Variants in GTF2B observed in about 807,000 individuals in gnomAD.
The protein encoded by GTF2B is transcription initiation factor IIB.
A neutral mutation model predicts 34.6 loss-of-function variants in GTF2B; 20 were observed. The ratio of observed to expected loss-of-function variants is 0.58; its 90% CI spans 0.41 to 0.84. The LOEUF (loss-of-function observed/expected upper bound fraction) is 0.84. Among genes scored for constraint, GTF2B ranks in the 40% least tolerant of loss-of-function variants. The pLI is 0.00. For synonymous variants in GTF2B, 142 were observed against 132.4 expected, an observed-to-expected ratio of 1.07 and a Z score of -0.50; for missense variants, 237 against 393.3, an observed-to-expected ratio of 0.60 and a Z score of 3.36.
chr1:88,891,265 G>A (rs1457752099), intron 1 of GTF2B, among the ~76,000 whole-genome samples: 8 of 152,104 alleles, frequency 5.3e-5, no homozygotes, highest in Admixed American at 5.2e-4. Context: ...ATCTACATAA[G>A]ACTCCAGGGC....
chr1:88,881,470 TATTG>T (rs1301585730), intron 2 of GTF2B, among the ~76,000 whole-genome samples: 2 of 152,236 alleles, frequency 1.3e-5, no homozygotes, highest in African/African-American at 4.8e-5. Context: ...TTATGTCATA[TATTG>T]ATTTATATTC....
chr1:88,870,560 T>G (rs1243911092), intron 2 of GTF2B, among the ~76,000 whole-genome samples: 13 of 148,758 alleles, frequency 8.7e-5, no homozygotes, highest in African/African-American at 2.6e-4. Flanking sequence ...AAATCTCATT[T>G]TCTAACTACT....
chr1:88,886,926 AT>A (rs939376789), intron 2 of GTF2B, among the ~76,000 whole-genome samples: 38 of 145,642 alleles, frequency 2.6e-4, no homozygotes, highest in Middle Eastern at 3.6e-3. Flanking sequence ...TATTATTATT[AT>A]TTTTTTTTTG....
intron 3 of GTF2B, among the ~76,000 whole-genome samples, chr1:88,863,711 C>A (rs989789615): frequency 6.6e-6 from 1 of 152,128 alleles, no homozygotes; most frequent in Non-Finnish European, 1.5e-5. Flanking sequence ...GAAGGCCACA[C>A]TACACTCATT....
rs75931821 is a variant in GTF2B at position 88,888,461 on chromosome 1, T to C, written c.18-1094A>G. ...TTCATATTTGTGTTTATTCCATAAA[T>C]TCCTCTAAGGAAAGTATTTTAATAA... On this transcript the variant is annotated intron_variant, in intron 1 of 6. Coordinates refer to ENST00000370500, the MANE Select transcript of GTF2B (RefSeq NM_001514.6). 7.1e-3 allele frequency among the ~76,000 whole-genome samples: 1,078 copies of C among 152,274 alleles called. 14 individuals are homozygous for C. Among genetic ancestry groups the C allele is most frequent in the African/African-American group, 0.025 (1,029 of 41,550 alleles).
intron 2 of GTF2B, among the ~76,000 whole-genome samples, chr1:88,880,287 G>C (rs973420063): frequency 6.6e-6 from 1 of 152,068 alleles, no homozygotes. Context: ...TAAGAAAAAA[G>C]TCACAAATGT....
At chr1:88,888,102 G>T (rs1674118283) in intron 1 of GTF2B, 1 of 152,076 alleles carries the variant, frequency 6.6e-6, no homozygotes, top group Admixed American at 6.5e-5. Context: ...TTATTTCAGG[G>T]GGTATGACCT....
At chr1:88,858,959 C>G (rs1294602785) in intron 5 of GTF2B, among the ~76,000 whole-genome samples, 2 of 151,722 alleles carry the variant, frequency 1.3e-5, no homozygotes, top group Non-Finnish European at 1.5e-5. Context: ...CCTCTGCCTC[C>G]CGGTTTCAAG....
intron 5 of GTF2B, among the ~76,000 whole-genome samples, chr1:88,859,340 A>G (rs1479652299): frequency 6.6e-6 from 1 of 152,242 alleles, no homozygotes; most frequent in African/African-American, 2.4e-5. Context: ...AAAAGAACAT[A>G]GTGGGCTTAC....
rs1460761650 is a variant in GTF2B at position 88,857,465 on chromosome 1, A to G, written c.558T>C (p.Ile186=). ...AACACCGACCAATTTCTTTCTTAGA[A>G]ATTCGTGATACGGCACATATTTCTA... ...TFKEICAVSR[I]SKKEIGRCFK... is the part of the protein sequence containing the mutation. Residue 186 remains isoleucine, a synonymous_variant, in exon 6 of 7, where the codon ATT becomes ATC. Transcript: ENST00000370500. The G allele has an allele frequency of 6.3e-7, 1 of 1,590,572 alleles. No individual in the cohort carries two copies. Among genetic ancestry groups the G allele is most frequent in the East Asian group, 2.2e-5 (1 of 44,782 alleles).
intron 3 of GTF2B, among the ~76,000 whole-genome samples, chr1:88,863,121 A>G (rs1673479987): frequency 6.6e-6 from 1 of 152,188 alleles, no homozygotes; most frequent in Non-Finnish European, 1.5e-5. Flanking sequence ...GCCTTACACA[A>G]TGATAGCAGC....
intron 3 of GTF2B, among the ~76,000 whole-genome samples, chr1:88,862,500 CT>C (rs1673460213): frequency 6.6e-6 from 1 of 152,180 alleles, no homozygotes; most frequent in South Asian, 2.1e-4. Context: ...CGAGATCAAG[CT>C]ACTGCTGCAC....
chr1:88,857,360 G>A lies in GTF2B; in HGVS notation c.663C>T (p.Asn221=), dbSNP rs139309240. 2.2e-5 allele frequency: 36 copies of A among 1,613,644 alleles called. No homozygotes were observed. In the African/African-American group the frequency reaches 4.0e-4, roughly 18 times the overall value. The change falls in exon 6 of 7, where the codon AAC becomes AAT. Residue 221 remains asparagine, a synonymous_variant. Transcript: ENST00000370500. ...TGDFMSRFCS[N]LCLPKQVQMA... The stretch of plus-strand genomic sequence containing the variant: ...TCTGTACTTGTTTAGGAAGACAAAG[G>A]TTGGAACAGAACCTGGACATGAAGT...
intron 2 of GTF2B, among the ~76,000 whole-genome samples, chr1:88,881,618 G>A (rs920513884): frequency 2.0e-5 from 3 of 152,050 alleles, no homozygotes; most frequent in African/African-American, 7.2e-5. Context: ...TCGCTTACAA[G>A]ATATATTACA....
chr1:88,857,933 C>T (rs866159694), intron 5 of GTF2B, among the ~76,000 whole-genome samples: 1 of 151,744 alleles, frequency 6.6e-6, no homozygotes, highest in Non-Finnish European at 1.5e-5. Flanking sequence ...CCTCCTACCT[C>T]GGCCTCCCAA....
At chr1:88,886,692 T>C (rs1045121141) in intron 2 of GTF2B, among the ~76,000 whole-genome samples, 8 of 152,228 alleles carry the variant, frequency 5.3e-5, no homozygotes, top group African/African-American at 1.7e-4. Context: ...TAAGGACTTA[T>C]GAAATTACTG....
chr1:88,876,781 A>T (rs992512793), intron 2 of GTF2B, among the ~76,000 whole-genome samples: 2 of 152,234 alleles, frequency 1.3e-5, no homozygotes, highest in Admixed American at 6.5e-5. Context: ...TCTGAGATGT[A>T]TCTGTCTTTC....
At chr1:88,857,600 C>T in intron 5 of GTF2B, 113 bp from the exon 6 acceptor site, 1 of 609,556 alleles carries the variant, frequency 1.6e-6, no homozygotes, top group East Asian at 2.9e-5. Context: ...AACATTCAAT[C>T]ATACCTTAAA....
intron 6 of GTF2B, among the ~76,000 whole-genome samples, chr1:88,855,364 T>G (rs1557651681): frequency 3.3e-5 from 5 of 150,512 alleles, no homozygotes; most frequent in South Asian, 2.1e-4. Flanking sequence ...TTTTTGTTTT[T>G]TTTTTTTTTT....
Sources: gnomAD v4.1 joint callset for allele counts (sites outside exome capture counted in the v4.1 genomes callset) on GRCh38, gnomAD v4.1.1 for gene constraint, MANE v1.5 for transcripts, NCBI Gene and HGNC (gene_info 2026-07-23, HGNC 2026-07-21) for gene names.